UNC119B: variants seen among roughly 807,000 people sequenced by gnomAD.
UNC119B encodes unc-119 lipid binding chaperone B.
UNC119B carries 16 observed loss-of-function variants against 23.4 expected under a neutral mutation model. That is an observed-to-expected ratio of 0.68 (90% CI 0.46 to 1.04). The LOEUF is 1.04. UNC119B is among the 50% of genes least tolerant of loss of function. The pLI is 0.00. For missense variants in UNC119B, 350 were observed against 361.3 expected (o/e 0.97, Z 0.25); for synonymous variants, 144 against 145.4 (o/e 0.99, Z 0.07).
Position 120,716,754 on chromosome 12 carries a change from T to C in UNC119B, c.470+15T>C. ...GTCGGGGCTACGTGAGTACCATTACTACCTGAGGGGAGAACATTCTGTTTG... is the reference window on the plus strand; with the variant it reads ...GTCGGGGCTACGTGAGTACCATTACCACCTGAGGGGAGAACATTCTGTTTG... On this transcript the variant is annotated intron_variant, in intron 3 of 4. Transcript: ENST00000344651. The C allele has an allele frequency of 6.2e-7, 1 of 1,613,086 alleles. No homozygotes were observed. The highest frequency in any genetic ancestry group is 1.7e-5 in the Admixed American group (1 of 60,020).
At chr12:120,717,066 G>GCACT (rs764394955) in intron 4 of UNC119B, 24 bp downstream of exon 4, 282 of 1,543,462 alleles carry the variant, frequency 1.8e-4, no homozygotes, top group Non-Finnish European at 2.3e-4. Context: ...GACCCTTACA[G>GCACT]CACTCTAGAT....
chr12:120,719,575 T>G (rs964347261), intron 4 of UNC119B, among the ~76,000 whole-genome samples: 15 of 152,160 alleles, frequency 9.9e-5, no homozygotes, highest in African/African-American at 3.6e-4. Context: ...CTGAGAGCAC[T>G]GAGTAAATAG....
At chr12:120,712,448 TC>T (rs1213897762) in intron 1 of UNC119B, among the ~76,000 whole-genome samples, 16 of 152,200 alleles carry the variant, frequency 1.1e-4, no homozygotes, top group Admixed American at 2.6e-4. Context: ...TAGAAAGAAA[TC>T]AGTGAAATTT....
At position 120,720,347 on chromosome 12, in the gene UNC119B, C is replaced by T. The variant is rs1338541601; in HGVS notation, c.*315C>T. 3 of 243,558 alleles carry T rather than the reference C, an allele frequency of 1.2e-5. No homozygotes were observed. The highest frequency in any genetic ancestry group is 2.4e-5 in the Non-Finnish European group (3 of 126,624). 15.1% of individuals were successfully genotyped at this position (243,558 alleles called of 1,614,324 possible). A position where few individuals can be genotyped will look rare whatever the true frequency, so the allele number is the denominator to read the frequency against. ...GTAGTTCTGGCTGCCTGTTGGTTGT[C>T]TTGACGACCAGGCATAGCTGTGCCT... is the stretch of plus-strand genomic sequence containing the variant. On this transcript the variant is annotated 3_prime_UTR_variant, in exon 5 of 5. Coordinates refer to ENST00000344651, the MANE Select transcript of UNC119B (RefSeq NM_001080533.3).
intron 4 of UNC119B, among the ~76,000 whole-genome samples, chr12:120,718,522 T>C (rs1017806606): frequency 6.6e-6 from 1 of 152,254 alleles, no homozygotes; most frequent in Middle Eastern, 3.4e-3. Context: ...GTGGAAATAC[T>C]GTTTGAGGAA....
Position 120,710,592 on chromosome 12 carries a change from G to A in UNC119B, c.118G>A (p.Ala40Thr), listed in dbSNP as rs1167379312. 16 of 1,429,296 alleles carry A rather than the reference G, an allele frequency of 1.1e-5. No homozygotes were observed. Among genetic ancestry groups the A allele is most frequent in the African/African-American group, 3.0e-5 (2 of 67,000 alleles). The allele number at this position is 1,429,296 out of a possible 1,614,324, so 88.5% of individuals were successfully genotyped here. ...CGGCGGCGTCCTGAACCGCCTGAAG[G>A]CGCGGCGGCAGGCGCCCCACCACGC... Reference protein sequence around the residue: ...AGGGVLNRLKARRQAPHHAAD... With the variant: ...AGGGVLNRLKTRRQAPHHAAD... The change falls in exon 1 of 5, where the codon GCG becomes ACG. Residue 40 changes from alanine to threonine, a missense_variant. Ala to Thr is a moderately conservative substitution (Grantham distance 58). Coordinates refer to ENST00000344651, the MANE Select transcript of UNC119B (RefSeq NM_001080533.3).
Position 120,720,110 on chromosome 12 carries a change from T to A in UNC119B, c.*78T>A. On this transcript the variant is annotated 3_prime_UTR_variant, in exon 5 of 5. Transcript: ENST00000344651. ...CACACGGAGATGATCGAAGCTGCAG[T>A]TTGTCAACACACATCTGGAACCTGG... 1.8e-6 allele frequency: 2 copies of A among 1,141,592 alleles called. No homozygotes were observed. Among genetic ancestry groups the A allele is most frequent in the Non-Finnish European group, 2.6e-6 (2 of 771,618 alleles). 70.7% of individuals were successfully genotyped at this position (1,141,592 alleles called of 1,614,324 possible).
Position 120,713,309 on chromosome 12 carries a change from A to G in UNC119B, c.280A>G (p.Ile94Val). The G allele has an allele frequency of 6.2e-7, 1 of 1,614,062 alleles. No individual in the cohort carries two copies. Among genetic ancestry groups the G allele is most frequent in the Non-Finnish European group, 8.5e-7 (1 of 1,179,898 alleles). The change falls in exon 2 of 5, where the codon ATT becomes GTT. Residue 94 changes from isoleucine to valine, a missense_variant. Physicochemically the swap from Ile to Val is conservative, Grantham distance 29. Transcript: ENST00000344651. Reference protein sequence around the residue: ...LCKPEDNIYSIDFTRFKIRDL... With the variant: ...LCKPEDNIYSVDFTRFKIRDL... ...TAAACCCGAAGACAACATCTACAGT[A>G]TTGATTTCACCCGCTTCAAAATTCG...
In UNC119B at chr12:120,716,842, G is replaced by A. The variant is rs773173190; in HGVS notation, c.471-28G>A. On this transcript the variant is annotated intron_variant, in intron 3 of 4. Coordinates refer to ENST00000344651, the MANE Select transcript of UNC119B (RefSeq NM_001080533.3). ...GGCTTTAGAGGAGGGAGGAGGCAAAGTCGGGCTTACAGAGATTTATTTTCC... is the reference window on the plus strand; with the variant it reads ...GGCTTTAGAGGAGGGAGGAGGCAAAATCGGGCTTACAGAGATTTATTTTCC... The A allele has an allele frequency of 3.9e-5, 62 of 1,605,130 alleles. No individual in the cohort carries two copies. In the Admixed American group the frequency reaches 1.0e-3, roughly 27 times the overall value.
intron 4 of UNC119B, among the ~76,000 whole-genome samples, chr12:120,717,366 T>G (rs1882804664): frequency 6.6e-6 from 1 of 151,880 alleles, no homozygotes; most frequent in Admixed American, 6.6e-5. Context: ...GCCTCCCAGG[T>G]TCAAGCGATT....
Position 120,720,075 on chromosome 12 carries a change from A to G in UNC119B, c.*43A>G, listed in dbSNP as rs1434099131. 1.4e-6 allele frequency: 2 copies of G among 1,425,258 alleles called. No individual in the cohort carries two copies. Among genetic ancestry groups the G allele is most frequent in the South Asian group, 2.3e-5 (2 of 86,316 alleles). 88.3% of individuals were successfully genotyped at this position (1,425,258 alleles called of 1,614,324 possible). A position where few individuals can be genotyped will look rare whatever the true frequency, so the allele number is the denominator to read the frequency against. On this transcript the variant is annotated 3_prime_UTR_variant, in exon 5 of 5. Transcript: ENST00000344651. ...AGGGGAGGTGCTTTGCCGCGGCCAC[A>G]AGATCCTGGCACACGGAGATGATCG...
intron 1 of UNC119B, among the ~76,000 whole-genome samples, chr12:120,712,822 T>C (rs1882696839): frequency 6.6e-6 from 1 of 152,240 alleles, no homozygotes. Flanking sequence ...TTATTTAGAA[T>C]CTGGCTCTAC....
At chr12:120,717,774 G>A (rs1046355708) in intron 4 of UNC119B, among the ~76,000 whole-genome samples, 1 of 151,640 alleles carries the variant, frequency 6.6e-6, no homozygotes, top group African/African-American at 2.4e-5. Context: ...ATGTTGGTCA[G>A]GCTGGTCTCG....
chr12:120,711,515 A>T (rs1882668900), intron 1 of UNC119B: 1 of 152,154 alleles, frequency 6.6e-6, no homozygotes, highest in Non-Finnish European at 1.5e-5. Context: ...GCCCTGGGTG[A>T]TCTCCCTTTT....
intron 2 of UNC119B, among the ~76,000 whole-genome samples, chr12:120,715,232 T>A (rs1024068308): frequency 6.6e-6 from 1 of 152,164 alleles, no homozygotes; most frequent in Non-Finnish European, 1.5e-5. Context: ...ATCCTCACAC[T>A]GAATCACTAC....
In UNC119B at chr12:120,710,705, C is replaced by T. The variant is rs1882644517; in HGVS notation, c.231C>T (p.Ser77=). 7.0e-7 allele frequency: 1 copy of T among 1,427,088 alleles called. No homozygotes were observed. Among genetic ancestry groups the T allele is most frequent in the East Asian group, 3.1e-5 (1 of 32,508 alleles). 88.4% of individuals were successfully genotyped at this position (1,427,088 alleles called of 1,614,324 possible). ...TIRPEHVLRL[S]RVTENYLCKP... is the part of the protein sequence containing the mutation. ...GGCCCGAGCACGTCCTGCGCCTCAG[C>T]CGGGTCACCGAGAGTGAGTGCCGCG... The change falls in exon 1 of 5, where the codon AGC becomes AGT. Residue 77 remains serine (S), a synonymous_variant. Transcript: ENST00000344651.
Position 120,710,490 on chromosome 12 carries a change from C to G in UNC119B, c.16C>G (p.Pro6Ala). 7.4e-7 allele frequency: 1 copy of G among 1,354,640 alleles called. No homozygotes were observed. The highest frequency in any genetic ancestry group is 9.4e-7 in the Non-Finnish European group (1 of 1,060,800). 83.9% of individuals were successfully genotyped at this position (1,354,640 alleles called of 1,614,324 possible). A position where few individuals can be genotyped will look rare whatever the true frequency, so the allele number is the denominator to read the frequency against. Residue 6 changes from proline to alanine, a missense_variant, in exon 1 of 5, where the codon CCG becomes GCG. Physicochemically the swap from Pro to Ala is conservative, Grantham distance 27. Transcript: ENST00000344651. ...CGGCGGAGCGATGAGCGGGTCTAACCCGAAGGCTGCGGCCGCGGCGTCGGC... is the reference window on the plus strand; with the variant it reads ...CGGCGGAGCGATGAGCGGGTCTAACGCGAAGGCTGCGGCCGCGGCGTCGGC... The part of the protein sequence containing the change: MSGSN[P>A]KAAAAASAAG...
rs1255318406 is a variant in UNC119B at position 120,717,868 on chromosome 12, GT to G, written c.643+840del. Reference sequence around the variant, plus strand: ...GTGAGCCACTGTGCTCAGTCTGAAGGTTTTTTTTTTTTTTCTTTTTGAGACG... The same window carrying G: ...GTGAGCCACTGTGCTCAGTCTGAAGGTTTTTTTTTTTTTCTTTTTGAGACG... On this transcript the variant is annotated intron_variant, in intron 4 of 4. Coordinates refer to ENST00000344651, the MANE Select transcript of UNC119B (RefSeq NM_001080533.3). Among the ~76,000 whole-genome samples the G allele has an allele frequency of 2.6e-3, 357 of 135,490 alleles. 3 individuals carry two copies. The highest frequency in any genetic ancestry group is 0.012 in the East Asian group (54 of 4,578). The allele number at this position is 135,490 out of a possible 152,430, so 88.9% of individuals were successfully genotyped here. A position where few individuals can be genotyped will look rare whatever the true frequency, so the allele number is the denominator to read the frequency against.
chr12:120,718,752 A>G (rs1007650994), intron 4 of UNC119B, among the ~76,000 whole-genome samples: 6 of 152,212 alleles, frequency 3.9e-5, no homozygotes, highest in African/African-American at 1.4e-4. Flanking sequence ...TGATGCCTGT[A>G]GTTGCCTTGC....
Sources: allele counts gnomAD v4.1 joint callset (sites outside exome capture counted in the v4.1 genomes callset), GRCh38; gene constraint gnomAD v4.1.1; transcripts MANE v1.5; gene names NCBI Gene and HGNC (gene_info 2026-07-23, HGNC 2026-07-21).